INVS: variants seen among roughly 807,000 people sequenced by gnomAD.
INVS encodes the protein inversin, also known as inversion of embryo turning homolog.
INVS carries 86 observed loss-of-function variants against 108.8 expected under a neutral mutation model. That is an observed-to-expected ratio of 0.79 (90% CI 0.66 to 0.95). The LOEUF is 0.95. Ranked by LOEUF, INVS falls within the 40% of genes least tolerant of loss-of-function variation. INVS has a pLI of 0.00. For missense variants in INVS, 1,169 were observed against 1,297.4 expected, an observed-to-expected ratio of 0.90 and a Z score of 1.52; for synonymous variants, 455 against 473.5, an observed-to-expected ratio of 0.96 and a Z score of 0.51.
At chr9:100,270,799 G>A (rs933718776) in intron 11 of INVS, among the ~76,000 whole-genome samples, 7 of 148,400 alleles carry the variant, frequency 4.7e-5, no homozygotes, top group African/African-American at 1.5e-4. Context: ...GTACATGCCC[G>A]TGGTCCCAGC....
At chr9:100,194,978 A>G (rs1208869613) in intron 3 of INVS, among the ~76,000 whole-genome samples, 2 of 152,164 alleles carry the variant, frequency 1.3e-5, no homozygotes, top group African/African-American at 4.8e-5. Context: ...TGAGTCTCCT[A>G]TAGACCTCCG....
chr9:100,162,365 C>A (rs1829218366), intron 3 of INVS, among the ~76,000 whole-genome samples: 1 of 152,132 alleles, frequency 6.6e-6, no homozygotes, highest in Non-Finnish European at 1.5e-5. Flanking sequence ...GGTTGATTAA[C>A]TCAGTGGCTC....
At chr9:100,134,598 C>G (rs1828165301) in intron 3 of INVS, among the ~76,000 whole-genome samples, 1 of 152,120 alleles carries the variant, frequency 6.6e-6, no homozygotes, top group Non-Finnish European at 1.5e-5. Context: ...CCATCCATGC[C>G]AACATCTACT....
Position 100,200,083 on chromosome 9 carries a change from A to G in INVS, c.274-25979A>G, listed in dbSNP as rs546243248. Among the ~76,000 whole-genome samples, 12 of 152,280 alleles carry G rather than the reference A, an allele frequency of 7.9e-5. No individual in the cohort carries two copies. The South Asian group carries it at 2.5e-3, about 32-fold the overall frequency. The stretch of plus-strand genomic sequence containing the variant: ...TATTTTTTAGTCTACTATTAAGTCC[A>G]TGCTATGATTTTTACATTTCAGATA... On this transcript the variant is annotated intron_variant, in intron 3 of 16. Coordinates refer to ENST00000262457, the MANE Select transcript of INVS (RefSeq NM_014425.5).
chr9:100,161,382 A>AAAAAAAC (rs1829179403), intron 3 of INVS, among the ~76,000 whole-genome samples: 2 of 150,830 alleles, frequency 1.3e-5, no homozygotes, highest in African/African-American at 4.9e-5. Flanking sequence ...AAAAAAAAAA[A>AAAAAAAC]AAAAAAAAAA....
intron 3 of INVS, among the ~76,000 whole-genome samples, chr9:100,168,183 A>G (rs752523722): frequency 1.3e-5 from 2 of 152,124 alleles, no homozygotes; most frequent in South Asian, 2.1e-4. Flanking sequence ...GACAAATGGC[A>G]GTCAGTTATT....
chr9:100,123,411 T>A (rs1176368186), intron 2 of INVS, among the ~76,000 whole-genome samples: 1 of 152,236 alleles, frequency 6.6e-6, no homozygotes, highest in East Asian at 1.9e-4. Context: ...TCAAGGTTCA[T>A]CCATGTTGAG....
intron 2 of INVS, chr9:100,116,794 G>A: frequency 6.3e-6 from 9 of 1,427,530 alleles, no homozygotes; most frequent in Middle Eastern, 2.6e-4. Context: ...TCCGCTGCAC[G>A]GAGACTCTGG....
intron 3 of INVS, among the ~76,000 whole-genome samples, chr9:100,151,339 C>T: frequency 6.6e-6 from 1 of 151,956 alleles, no homozygotes; most frequent in East Asian, 1.9e-4. Context: ...ATTCGCCAGG[C>T]ATGGTGGTGC....
chr9:100,117,017 G>A (rs527631775), intron 2 of INVS: 113 of 1,466,902 alleles, frequency 7.7e-5, no homozygotes, highest in Admixed American at 3.7e-4. Context: ...CACAGGCGCC[G>A]AGACAATGCC....
chr9:100,145,235 GT>G (rs1828563900), intron 3 of INVS, among the ~76,000 whole-genome samples: 1 of 151,826 alleles, frequency 6.6e-6, no homozygotes, highest in African/African-American at 2.4e-5. Flanking sequence ...GAGGGAAGGG[GT>G]TTGGGGGTTC....
At chr9:100,259,954 T>G (rs1832563834) in intron 10 of INVS, among the ~76,000 whole-genome samples, 1 of 146,134 alleles carries the variant, frequency 6.8e-6, no homozygotes, top group Non-Finnish European at 1.5e-5. Context: ...CCATTGCAAC[T>G]TCTGCCTCCT....
At position 100,239,317 on chromosome 9, in the gene INVS, A is replaced by T. The variant is rs181308923; in HGVS notation, c.616-743A>T. ...AATAATTGAACTATTACCAACATAG[A>T]TATCCAAGGTATAGTGTTGAGAGAA... On this transcript the variant is annotated intron_variant, in intron 5 of 16. Coordinates refer to ENST00000262457, the MANE Select transcript of INVS (RefSeq NM_014425.5). 3.3e-5 allele frequency among the ~76,000 whole-genome samples: 5 copies of T among 152,346 alleles called. No individual in the cohort carries two copies. In the East Asian group the frequency reaches 9.6e-4, roughly 29 times the overall value.
intron 3 of INVS, among the ~76,000 whole-genome samples, chr9:100,158,214 G>T (rs1348621906): frequency 6.6e-6 from 1 of 152,090 alleles, no homozygotes; most frequent in Non-Finnish European, 1.5e-5. Flanking sequence ...TATTTTAGCT[G>T]ATCAGGGGAA....
chr9:100,285,847 G>A (rs959735251), intron 13 of INVS, among the ~76,000 whole-genome samples: 2 of 152,130 alleles, frequency 1.3e-5, no homozygotes, highest in East Asian at 1.9e-4. Context: ...TGTGCAGCAC[G>A]AACCCTATTG....
At chr9:100,105,483 T>A (rs1827141527) in intron 2 of INVS, among the ~76,000 whole-genome samples, 1 of 152,198 alleles carries the variant, frequency 6.6e-6, no homozygotes, top group Non-Finnish European at 1.5e-5. Flanking sequence ...TTCTATCTGC[T>A]ACTCTGTTAA....
intron 3 of INVS, chr9:100,130,388 G>A (rs1043068821): frequency 2.6e-5 from 4 of 152,148 alleles, no homozygotes; most frequent in Non-Finnish European, 5.9e-5. Flanking sequence ...GAGAAAGAGT[G>A]GAGATACATA....
chr9:100,138,400 C>T (rs910131140), intron 3 of INVS, among the ~76,000 whole-genome samples: 2 of 151,842 alleles, frequency 1.3e-5, no homozygotes, highest in Non-Finnish European at 2.9e-5. Context: ...GAGCGAAATT[C>T]CGTCTCAAAA....
Position 100,246,623 on chromosome 9 carries a change from T to G in INVS, c.914T>G (p.Val305Gly). The G allele has an allele frequency of 6.2e-7, 1 of 1,613,278 alleles. No homozygotes were observed. The highest frequency in any genetic ancestry group is 8.5e-7 in the Non-Finnish European group (1 of 1,179,266). ...YAAQSNFAET[V>G]KVFLKHPSVK... Reference sequence around the variant, plus strand: ...AATCAAGTTTTCTTACAGGAAACGGTTAAAGTGTTTTTAAAACATCCTTCA... The same window carrying G: ...AATCAAGTTTTCTTACAGGAAACGGGTAAAGTGTTTTTAAAACATCCTTCA... Residue 305 changes from valine to glycine, a missense_variant, in exon 8 of 17, where the codon GTT becomes GGT. By Grantham distance (109) the Val-to-Gly change is moderately radical. Around this residue, in one of 3 missense-constraint regions of INVS, gnomAD observed 365 missense variants for 397.5 expected, o/e 0.92. Transcript: ENST00000262457.
Sources: gnomAD v4.1 joint callset for allele counts (sites outside exome capture counted in the v4.1 genomes callset) on GRCh38, gnomAD v4.1.1 for gene constraint, gnomAD v4.1.1 regional missense constraint, MANE v1.5 for transcripts, NCBI Gene and HGNC (gene_info 2026-07-23, HGNC 2026-07-21) for gene names.